The following GALNT18 variants were observed in gnomAD, a reference collection of about 807,000 sequenced individuals.
GALNT18 encodes polypeptide N-acetylgalactosaminyltransferase 18, also known as GalNAc-transferase 18.
Under a neutral mutation model 69.5 loss-of-function variants are expected in GALNT18, and 44 were observed. The observed-to-expected ratio is 0.63, with a 90% CI of 0.50 to 0.81. The LOEUF (loss-of-function observed/expected upper bound fraction) is 0.81. Ranked by LOEUF, GALNT18 falls within the 40% of genes least tolerant of loss-of-function variation. GALNT18 has a pLI of 0.00. For synonymous variants in GALNT18, 364 were observed against 318.2 expected, an observed-to-expected ratio of 1.14 and a Z score of -1.53; for missense variants, 715 against 810.0, an observed-to-expected ratio of 0.88 and a Z score of 1.42.
chr11:11,579,919 T>C (rs1031363576), intron 1 of GALNT18, among the ~76,000 whole-genome samples: 19 of 152,134 alleles, frequency 1.2e-4, no homozygotes, highest in African/African-American at 4.8e-5. Context: ...AGTTCTCCTA[T>C]AAAATGCCTT....
intron 3 of GALNT18, among the ~76,000 whole-genome samples, chr11:11,398,841 C>T (rs963703851): frequency 7.2e-5 from 11 of 152,084 alleles, no homozygotes; most frequent in African/African-American, 2.7e-4. Flanking sequence ...GAACAATGTC[C>T]CAGGCACATG....
chr11:11,353,733 A>T (rs1296565230), intron 6 of GALNT18, among the ~76,000 whole-genome samples: 1 of 152,026 alleles, frequency 6.6e-6, no homozygotes, highest in Non-Finnish European at 1.5e-5. Flanking sequence ...CCAAAGAAGG[A>T]CTCTTTAAAC....
intron 1 of GALNT18, among the ~76,000 whole-genome samples, chr11:11,518,883 C>T (rs188609197): frequency 1.3e-5 from 2 of 152,310 alleles, no homozygotes; most frequent in Middle Eastern, 3.4e-3. Flanking sequence ...CATCCTGGTA[C>T]CTCCTCTCCT....
intron 6 of GALNT18, among the ~76,000 whole-genome samples, chr11:11,357,747 G>T (rs753401030): frequency 1.3e-4 from 20 of 152,126 alleles, no homozygotes; most frequent in Admixed American, 5.2e-4. Context: ...TGTGATTCTT[G>T]GGAGGGGTAA....
chr11:11,486,952 A>C (rs2133878700), intron 1 of GALNT18, among the ~76,000 whole-genome samples: 1 of 152,340 alleles, frequency 6.6e-6, no homozygotes. Flanking sequence ...TATGATGGCC[A>C]AGGCCCCTCA....
chr11:11,374,824 C>G lies in GALNT18; in HGVS notation c.978-2195G>C, dbSNP rs944851441. ...CTAAAGATTGCAACAAATTGGAATG[C>G]ATGTGCAGAACCAAGGTCCTCTCTC... On this transcript the variant is annotated intron_variant, in intron 5 of 10. Transcript: ENST00000227756. Among the ~76,000 whole-genome samples, 7 of 152,316 alleles carry G rather than the reference C, an allele frequency of 4.6e-5. No homozygotes were observed. The East Asian group carries it at 1.3e-3, about 29-fold the overall frequency.
In GALNT18 at chr11:11,404,988, C is replaced by T. The variant is rs1854557478; in HGVS notation, c.596-25724G>A. 6.6e-6 allele frequency among the ~76,000 whole-genome samples: 1 copy of T among 152,206 alleles called. No homozygotes were observed. Among genetic ancestry groups the T allele is most frequent in the African/African-American group, 2.4e-5 (1 of 41,460 alleles). On this transcript the variant is annotated intron_variant, in intron 3 of 10. Transcript: ENST00000227756. This position sits in a 1 kb window ranked among gnomAD's most constrained non-coding sequence, Gnocchi z 4.5. The stretch of plus-strand genomic sequence containing the variant: ...CAGATGAAGCAACAGAGCTGCTTTG[C>T]TGTGCTCTGTGTTTCTCCTTCCTAT...
chr11:11,302,659 G>A (rs547257847), intron 9 of GALNT18, among the ~76,000 whole-genome samples: 1 of 152,348 alleles, frequency 6.6e-6, no homozygotes, highest in Non-Finnish European at 1.5e-5. Flanking sequence ...AGGCCTCAGC[G>A]GTTGAAGAAT....
In GALNT18 at chr11:11,591,702, C is replaced by A. The variant is rs1859365593; in HGVS notation, c.235+29657G>T. On this transcript the variant is annotated intron_variant, in intron 1 of 10. Coordinates refer to ENST00000227756, the MANE Select transcript of GALNT18 (RefSeq NM_198516.3). This position sits in a 1 kb window ranked among gnomAD's most constrained non-coding sequence, Gnocchi z 4.8. ...GGAGGCTGAGATAGTAATAGAAGTG[C>A]ATTTTCTTTAGTGCCAGATGGAAAT... Among the ~76,000 whole-genome samples the A allele has an allele frequency of 6.6e-6, 1 of 152,168 alleles. No homozygotes were observed. Among genetic ancestry groups the A allele is most frequent in the Admixed American group, 6.5e-5 (1 of 15,278 alleles).
chr11:11,584,988 C>T lies in GALNT18; in HGVS notation c.235+36371G>A, dbSNP rs1482663423. Among the ~76,000 whole-genome samples, 3 of 152,026 alleles carry T rather than the reference C, an allele frequency of 2.0e-5. No homozygotes were observed. The highest frequency in any genetic ancestry group is 2.9e-5 in the Non-Finnish European group (2 of 68,014). On this transcript the variant is annotated intron_variant, in intron 1 of 10. Transcript: ENST00000227756. The surrounding 1 kb of genome is among the most constrained non-coding windows in gnomAD (Gnocchi z 4.1). ...CTATGAGCTTGACGGCTTCCCAACA[C>T]CTAAAGACTTCTGATGATATAAATG...
At chr11:11,458,784 C>T (rs540500568) in intron 1 of GALNT18, among the ~76,000 whole-genome samples, 1 of 152,368 alleles carries the variant, frequency 6.6e-6, no homozygotes, top group South Asian at 2.1e-4. Context: ...CTGACCTCCC[C>T]TGTCTTCCAA....
At chr11:11,378,712 C>T (rs963369809) in intron 4 of GALNT18, among the ~76,000 whole-genome samples, 7 of 152,232 alleles carry the variant, frequency 4.6e-5, no homozygotes, top group African/African-American at 9.6e-5. Context: ...TTCTGCCTCA[C>T]GTCTGGCCCA....
intron 10 of GALNT18, among the ~76,000 whole-genome samples, chr11:11,287,310 C>T (rs1003524796): frequency 2.0e-5 from 3 of 152,192 alleles, no homozygotes; most frequent in African/African-American, 7.2e-5. Flanking sequence ...CTTCCTAAAG[C>T]AAGAATCTCT....
chr11:11,592,424 C>T lies in GALNT18; in HGVS notation c.235+28935G>A, dbSNP rs1859379662. ...TTTGAGCAATTCATCCTTCCCGCAACTGTCCTCCACTTTCCAGGCAAATAA... is the reference window on the plus strand; with the variant it reads ...TTTGAGCAATTCATCCTTCCCGCAATTGTCCTCCACTTTCCAGGCAAATAA... On this transcript the variant is annotated intron_variant, in intron 1 of 10. Transcript: ENST00000227756. This position sits in a 1 kb window ranked among gnomAD's most constrained non-coding sequence, Gnocchi z 5.9. Among the ~76,000 whole-genome samples the T allele has an allele frequency of 6.6e-6, 1 of 152,188 alleles. No homozygotes were observed. Among genetic ancestry groups the T allele is most frequent in the African/African-American group, 2.4e-5 (1 of 41,454 alleles).
rs1321379737 is a variant in GALNT18, at chr11:11,540,739, G to A, written c.235+80620C>T. On this transcript the variant is annotated intron_variant, in intron 1 of 10. Coordinates refer to ENST00000227756, the MANE Select transcript of GALNT18 (RefSeq NM_198516.3). The surrounding 1 kb of genome is among the most constrained non-coding windows in gnomAD (Gnocchi z 4.6). The stretch of plus-strand genomic sequence containing the variant: ...CACTGAATGATACAACTTCATCCCT[G>A]TATGACTCTCTGATCACAGCAATAC... Among the ~76,000 whole-genome samples the A allele has an allele frequency of 1.3e-5, 2 of 152,110 alleles. No homozygotes were observed. The highest frequency in any genetic ancestry group is 1.3e-4 in the Admixed American group (2 of 15,276).
Position 11,459,468 on chromosome 11 carries a change from C to T in GALNT18, c.236-10532G>A, listed in dbSNP as rs1855993021. Reference sequence around the variant, plus strand: ...TTGCAGGGAAGAAGAGAGGCTTCTTCAGGGTGCCTCAGCCCAAAGTAGGGT... The same window carrying T: ...TTGCAGGGAAGAAGAGAGGCTTCTTTAGGGTGCCTCAGCCCAAAGTAGGGT... On this transcript the variant is annotated intron_variant, in intron 1 of 10. Transcript: ENST00000227756. This position sits in a 1 kb window ranked among gnomAD's most constrained non-coding sequence, Gnocchi z 5.0. Among the ~76,000 whole-genome samples, 1 of 152,164 alleles carries T rather than the reference C, an allele frequency of 6.6e-6. No homozygotes were observed. Among genetic ancestry groups the T allele is most frequent in the South Asian group, 2.1e-4 (1 of 4,818 alleles).
chr11:11,373,897 A>C (rs1350991419), intron 5 of GALNT18, among the ~76,000 whole-genome samples: 1 of 152,170 alleles, frequency 6.6e-6, no homozygotes, highest in Non-Finnish European at 1.5e-5. Flanking sequence ...TAAAAGGAGA[A>C]ATGAAGGCTC....
chr11:11,326,071 A>C (rs1303610017), intron 9 of GALNT18, among the ~76,000 whole-genome samples: 1 of 134,930 alleles, frequency 7.4e-6, no homozygotes, highest in Non-Finnish European at 1.5e-5. Flanking sequence ...TTGAGACGGA[A>C]TCTCGCTCTG....
At chr11:11,367,132 A>G (rs2133089597) in intron 6 of GALNT18, among the ~76,000 whole-genome samples, 1 of 152,286 alleles carries the variant, frequency 6.6e-6, no homozygotes, top group South Asian at 2.1e-4. Context: ...GAGGGACAGA[A>G]TCACTCACAG....
Sources: gnomAD v4.1 joint callset for allele counts (sites outside exome capture counted in the v4.1 genomes callset) on GRCh38, gnomAD v4.1.1 for gene constraint, Gnocchi (gnomAD v3.1) non-coding constraint, MANE v1.5 for transcripts, NCBI Gene and HGNC (gene_info 2026-07-23, HGNC 2026-07-21) for gene names.